PPP3CC: variants seen among roughly 807,000 people sequenced by gnomAD.
PPP3CC encodes protein phosphatase 3 catalytic subunit gamma, also known as serine/threonine-protein phosphatase 2B catalytic subunit gamma isoform.
A neutral mutation model predicts 60.3 loss-of-function variants in PPP3CC; 35 were observed. That is an observed-to-expected ratio of 0.58 (90% CI 0.44 to 0.77). The LOEUF (loss-of-function observed/expected upper bound fraction) is 0.77. Among genes scored for constraint, PPP3CC ranks in the 30% least tolerant of loss-of-function variants. The pLI is 0.00. For missense variants in PPP3CC, 570 were observed against 628.9 expected (o/e 0.91, Z 1.00); for synonymous variants, 206 against 224.3 (o/e 0.92, Z 0.73).
intron 8 of PPP3CC, 138 bp from the exon 9 acceptor site, chr8:22,527,254 C>T: frequency 1.1e-6 from 1 of 914,314 alleles, no homozygotes; most frequent in Non-Finnish European, 1.6e-6. Flanking sequence ...TTTCCATCTG[C>T]CCTTTACCTA....
chr8:22,457,549 C>T (rs1393720425), intron 1 of PPP3CC, among the ~76,000 whole-genome samples: 1 of 151,210 alleles, frequency 6.6e-6, no homozygotes, highest in Admixed American at 6.6e-5. Context: ...CTCAAGCGAT[C>T]CATCTGCTTC....
intron 1 of PPP3CC, among the ~76,000 whole-genome samples, chr8:22,462,198 A>G (rs1837381356): frequency 6.6e-6 from 1 of 152,136 alleles, no homozygotes; most frequent in Non-Finnish European, 1.5e-5. Flanking sequence ...AGCTATGATC[A>G]TGCCACTGCA....
Position 22,522,702 on chromosome 8 carries a change from T to C in PPP3CC, c.896T>C (p.Ile299Thr), listed in dbSNP as rs1439339609. 6.2e-7 allele frequency: 1 copy of C among 1,606,942 alleles called. No homozygotes were observed. Among genetic ancestry groups the C allele is most frequent in the South Asian group, 1.1e-5 (1 of 90,850 alleles). The change falls in exon 8 of 14, where the codon ATT (isoleucine) becomes ACT (threonine). Residue 299 changes from isoleucine to threonine, a missense_variant. Transcript: ENST00000240139. ...KSQATGFPSL[I>T]TIFSAPNYLD... ...CAAGCCACAGGCTTTCCATCACTTATTACAATTTTCTCTGCCCCCAATTAC... is the reference window on the plus strand; with the variant it reads ...CAAGCCACAGGCTTTCCATCACTTACTACAATTTTCTCTGCCCCCAATTAC...
At chr8:22,468,715 A>G (rs576278860) in intron 1 of PPP3CC, among the ~76,000 whole-genome samples, 1 of 152,166 alleles carries the variant, frequency 6.6e-6, no homozygotes, top group Non-Finnish European at 1.5e-5. Context: ...TTTAAAATGG[A>G]CTCTGATTTA....
At position 22,532,989 on chromosome 8, in the gene PPP3CC, T is replaced by A; in HGVS notation, c.1292T>A (p.Leu431His). The A allele has an allele frequency of 1.2e-6, 2 of 1,606,354 alleles. No individual in the cohort carries two copies. Among genetic ancestry groups the A allele is most frequent in the Non-Finnish European group, 1.7e-6 (2 of 1,175,954 alleles). The change falls in exon 12 of 14, where the codon CTC (leucine) becomes CAC (histidine). Residue 431 changes from leucine to histidine, a missense_variant. Transcript: ENST00000240139. ...ACAGGCACACTCCCTCTGGGCGTCC[T>A]CTCAGGAGGCAAGCAGACTATCGAG... ...TPTGTLPLGVLSGGKQTIETA... is the reference protein window; with the variant it reads ...TPTGTLPLGVHSGGKQTIETA...
chr8:22,530,083 C>T (rs1242334165), intron 10 of PPP3CC, among the ~76,000 whole-genome samples: 2 of 152,182 alleles, frequency 1.3e-5, no homozygotes, highest in East Asian at 3.8e-4. Context: ...AATTACCATA[C>T]ACTCTCATGC....
chr8:22,474,292 T>C (rs528807686), intron 1 of PPP3CC, among the ~76,000 whole-genome samples: 1 of 152,304 alleles, frequency 6.6e-6, no homozygotes. Flanking sequence ...TCTTTAACCA[T>C]AGTTTCATTT....
At chr8:22,534,123 C>T (rs1219719457) in intron 12 of PPP3CC, among the ~76,000 whole-genome samples, 5 of 144,806 alleles carry the variant, frequency 3.5e-5, no homozygotes, top group African/African-American at 7.7e-5. Flanking sequence ...CACTGGAACC[C>T]GGGAGGTGGA....
intron 12 of PPP3CC, among the ~76,000 whole-genome samples, chr8:22,537,156 G>A (rs1326161523): frequency 6.6e-6 from 1 of 152,156 alleles, no homozygotes; most frequent in Non-Finnish European, 1.5e-5. Flanking sequence ...CAGAATGGTT[G>A]AAAATGTTTT....
intron 1 of PPP3CC, among the ~76,000 whole-genome samples, chr8:22,469,268 T>C (rs1392738859): frequency 2.0e-5 from 3 of 152,144 alleles, no homozygotes; most frequent in Admixed American, 6.5e-5. Flanking sequence ...TTCTCACTTA[T>C]ATGTGGGAGC....
At chr8:22,514,790 C>T (rs182030005) in intron 6 of PPP3CC, among the ~76,000 whole-genome samples, 2 of 150,922 alleles carry the variant, frequency 1.3e-5, no homozygotes, top group African/African-American at 2.4e-5. Flanking sequence ...AAGCAATTCT[C>T]CTGCCTCAGC....
intron 10 of PPP3CC, among the ~76,000 whole-genome samples, chr8:22,531,685 A>G (rs1839720624): frequency 6.6e-6 from 1 of 152,228 alleles, no homozygotes; most frequent in African/African-American, 2.4e-5. Flanking sequence ...CACAGTTGTA[A>G]GTAGTATCGT....
intron 8 of PPP3CC, among the ~76,000 whole-genome samples, chr8:22,525,757 G>A (rs531261643): frequency 1.9e-4 from 29 of 151,686 alleles, no homozygotes; most frequent in African/African-American, 4.4e-4. Context: ...ATAGGGTCTC[G>A]TTATGTTGCC....
intron 4 of PPP3CC, among the ~76,000 whole-genome samples, chr8:22,507,761 G>T (rs1838968042): frequency 6.6e-6 from 1 of 152,066 alleles, no homozygotes; most frequent in Non-Finnish European, 1.5e-5. Flanking sequence ...TTATTATTAT[G>T]ACCATAGATA....
chr8:22,530,366 G>A (rs370489033), intron 10 of PPP3CC, among the ~76,000 whole-genome samples: 1 of 151,834 alleles, frequency 6.6e-6, no homozygotes, highest in Admixed American at 6.6e-5. Flanking sequence ...GAGGTGGGAG[G>A]ATTACTTGAA....
chr8:22,478,040 C>CG (rs1837949384), intron 3 of PPP3CC, among the ~76,000 whole-genome samples: 1 of 152,028 alleles, frequency 6.6e-6, no homozygotes, highest in Non-Finnish European at 1.5e-5. Context: ...TTAGTAGAGA[C>CG]GGGGTTTCAC....
intron 12 of PPP3CC, among the ~76,000 whole-genome samples, chr8:22,538,398 A>ATGCC (rs1408004105): frequency 6.6e-6 from 1 of 152,204 alleles, no homozygotes; most frequent in Non-Finnish European, 1.5e-5. Context: ...GATTTAATAC[A>ATGCC]TGCCTGCCTA....
At chr8:22,530,111 T>C (rs764176227) in intron 10 of PPP3CC, among the ~76,000 whole-genome samples, 7 of 152,208 alleles carry the variant, frequency 4.6e-5, no homozygotes, top group African/African-American at 7.2e-5. Context: ...TCTGCACTCA[T>C]GCTTCAGGTT....
intron 1 of PPP3CC, among the ~76,000 whole-genome samples, chr8:22,444,874 G>C (rs182451941): frequency 5.9e-5 from 9 of 151,800 alleles, no homozygotes; most frequent in African/African-American, 1.9e-4. Context: ...TAGTTTCCAC[G>C]TTCCTTTTCC....
Sources: gnomAD v4.1 joint callset for allele counts (sites outside exome capture counted in the v4.1 genomes callset) on GRCh38, gnomAD v4.1.1 for gene constraint, MANE v1.5 for transcripts, NCBI Gene and HGNC (gene_info 2026-07-23, HGNC 2026-07-21) for gene names.